Variants in ACLY observed in about 807,000 individuals in gnomAD.
ACLY encodes ATP citrate lyase.
Under a neutral mutation model 133.0 loss-of-function variants are expected in ACLY, and 41 were observed. The ratio of observed to expected loss-of-function variants is 0.31; its 90% CI spans 0.24 to 0.40. The LOEUF (loss-of-function observed/expected upper bound fraction) is 0.40. ACLY is among the 10% of genes least tolerant of loss of function. The pLI, the probability that ACLY is intolerant of heterozygous loss-of-function variation, is 1.00. For synonymous variants in ACLY, 495 were observed against 549.3 expected (o/e 0.90, Z 1.38); for missense variants, 1,046 against 1,453.8 (o/e 0.72, Z 4.56).
chr17:41,899,634 A>G (rs1036213005), intron 11 of ACLY, among the ~76,000 whole-genome samples: 1 of 152,094 alleles, frequency 6.6e-6, no homozygotes, highest in Non-Finnish European at 1.5e-5. Flanking sequence ...GACCCCTAGC[A>G]TCTTCTCCTA....
intron 16 of ACLY, among the ~76,000 whole-genome samples, chr17:41,889,743 T>G (rs1555628885): frequency 6.8e-6 from 1 of 146,562 alleles, no homozygotes; most frequent in Non-Finnish European, 1.5e-5. Context: ...TGGAGTACAA[T>G]AGCACGACCT....
rs1555633439 is a variant in ACLY at position 41,910,284 on chromosome 17, C to T, written c.283G>A (p.Val95Ile). 6.2e-7 allele frequency: 1 copy of T among 1,613,398 alleles called. No homozygotes were observed. The highest frequency in any genetic ancestry group is 8.5e-7 in the Non-Finnish European group (1 of 1,179,704). ...LKPRLGQEATVGKATGFLKNF... is the reference protein window; with the variant it reads ...LKPRLGQEATIGKATGFLKNF... The stretch of plus-strand genomic sequence containing the variant: ...TTGAGGAAGCCTGTGGCCTTGCCAA[C>T]CTACAGAAAAATTGAGGGAGATGAA... Residue 95 changes from valine (V) to isoleucine (I), a missense_variant and splice_region_variant, in exon 4 of 29, where the codon GTT becomes ATT. Around this residue, in one of 4 missense-constraint regions of ACLY, gnomAD observed 227 missense variants for 245.6 expected, o/e 0.92. Coordinates refer to ENST00000352035, the MANE Select transcript of ACLY (RefSeq NM_001096.3).
rs782115083 is a variant in ACLY at position 41,893,191 on chromosome 17, CAG to C, written c.1460-19_1460-18del. On this transcript the variant is annotated intron_variant, in intron 14 of 28. Transcript: ENST00000352035. The stretch of plus-strand genomic sequence containing the variant: ...TGCTCTTTCCTGGTGGGCAAAGACA[CAG>C]AGAGTGCACCCAGAACACATACCCC... 1.1e-5 allele frequency: 17 copies of C among 1,608,166 alleles called. No individual in the cohort carries two copies. Among genetic ancestry groups the C allele is most frequent in the African/African-American group, 1.3e-5 (1 of 74,830 alleles).
chr17:41,882,539 G>A (rs1468436673), intron 20 of ACLY, among the ~76,000 whole-genome samples: 6 of 152,126 alleles, frequency 3.9e-5, no homozygotes, highest in Admixed American at 2.6e-4. Flanking sequence ...AAGCACAGGG[G>A]CTGAAGTCTG....
intron 6 of ACLY, 93 bp downstream of exon 6, chr17:41,908,896 G>C: frequency 9.6e-7 from 1 of 1,037,282 alleles, no homozygotes; most frequent in Middle Eastern, 2.8e-4. Flanking sequence ...GTTACCCTCT[G>C]GCAAGTGGGA....
chr17:41,878,936 A>C lies in ACLY; in HGVS notation c.2266-12T>G. The stretch of plus-strand genomic sequence containing the variant: ...TGGCCAAACTGGACCTGGAAAGCAA[A>C]GGAAAGTAGCTTTACTGCTAATCCC... On this transcript the variant is annotated splice_polypyrimidine_tract_variant and intron_variant, in intron 20 of 28. Coordinates refer to ENST00000352035, the MANE Select transcript of ACLY (RefSeq NM_001096.3). 1 of 1,613,974 alleles carries C rather than the reference A, an allele frequency of 6.2e-7. No individual in the cohort carries two copies. The highest frequency in any genetic ancestry group is 1.7e-5 in the Admixed American group (1 of 60,014).
In ACLY at chr17:41,900,069, C is replaced by CAAAAAAAAAAAAAAAAAAAAAAAAAA. The variant is rs60296550; in HGVS notation, c.1184-1310_1184-1285dup. 1.5e-4 allele frequency among the ~76,000 whole-genome samples: 7 copies of CAAAAAAAAAAAAAAAAAAAAAAAAAA among 46,630 alleles called. 1 individual carries two copies. The highest frequency in any genetic ancestry group is 2.1e-4 in the Non-Finnish European group (5 of 23,822). 30.6% of individuals were successfully genotyped at this position (46,630 alleles called of 152,430 possible). ...GGGTGACAGAGTGAGACCCTGTCTCCAAAAAAAAAAAAAAAAAAAAAAAAA... is the reference window on the plus strand; with the variant it reads ...GGGTGACAGAGTGAGACCCTGTCTCCAAAAAAAAAAAAAAAAAAAAAAAAAAAAAAAAAAAAAAAAAAAAAAAAAAA... On this transcript the variant is annotated intron_variant, in intron 11 of 28. Coordinates refer to ENST00000352035, the MANE Select transcript of ACLY (RefSeq NM_001096.3).
intron 12 of ACLY, 48 bp from the exon 13 acceptor site, chr17:41,897,887 G>T: frequency 5.9e-6 from 9 of 1,537,466 alleles, no homozygotes; most frequent in Non-Finnish European, 1.8e-6. Context: ...TCACACCTGG[G>T]AAAAAAGCCA....
chr17:41,928,061 C>G (rs1555636166), intron 1 of ACLY, among the ~76,000 whole-genome samples: 1 of 151,996 alleles, frequency 6.6e-6, no homozygotes, highest in Non-Finnish European at 1.5e-5. Flanking sequence ...GTGGCCTGAG[C>G]CCAGAAAGCA....
At position 41,884,294 on chromosome 17, in the gene ACLY, T is replaced by A; in HGVS notation, c.2073-20A>T. On this transcript the variant is annotated intron_variant, in intron 18 of 28. Coordinates refer to ENST00000352035, the MANE Select transcript of ACLY (RefSeq NM_001096.3). ...GGGTACCTGTTGAGAGCAGGGAGTATCAGGATACAGGATCAGGAGGAGGCC... is the reference window on the plus strand; with the variant it reads ...GGGTACCTGTTGAGAGCAGGGAGTAACAGGATACAGGATCAGGAGGAGGCC... The A allele has an allele frequency of 6.5e-7, 1 of 1,547,722 alleles. No individual in the cohort carries two copies.
chr17:41,879,408 C>T (rs565819309), intron 20 of ACLY, among the ~76,000 whole-genome samples: 4 of 149,098 alleles, frequency 2.7e-5, no homozygotes, highest in South Asian at 2.1e-4. Context: ...GCCTGCCCCC[C>T]CCGCCTTTTT....
intron 16 of ACLY, among the ~76,000 whole-genome samples, chr17:41,888,927 T>A (rs2049126918): frequency 6.6e-6 from 1 of 152,120 alleles, no homozygotes; most frequent in African/African-American, 2.4e-5. Flanking sequence ...GAGACCAGCC[T>A]GACCAACATG....
chr17:41,912,882 C>T (rs1567913896), intron 2 of ACLY, among the ~76,000 whole-genome samples: 1 of 152,156 alleles, frequency 6.6e-6, no homozygotes, highest in Non-Finnish European at 1.5e-5. Flanking sequence ...AGAATATGGA[C>T]CAGAACATGT....
Position 41,869,114 on chromosome 17 carries a change from A to G in ACLY, c.3063T>C (p.Leu1021=), listed in dbSNP as rs1262462302. The change falls in exon 27 of 29, where the codon CTT becomes CTC. Residue 1021 remains leucine, a synonymous_variant. Coordinates refer to ENST00000352035, the MANE Select transcript of ACLY (RefSeq NM_001096.3). The part of the protein sequence containing the change: ...EKITTSKKPN[L]ILNVDGLIGV... ...CGATGAGACCATCTACATTCAGGAT[A>G]AGATTTGGCTTCTGGGAAGGCAAAA... 1.9e-6 allele frequency: 3 copies of G among 1,612,974 alleles called. No individual in the cohort carries two copies. The East Asian group carries it at 6.7e-5, about 36-fold the overall frequency.
intron 18 of ACLY, among the ~76,000 whole-genome samples, chr17:41,885,730 T>C (rs1597992255): frequency 6.6e-6 from 1 of 151,880 alleles, no homozygotes; most frequent in African/African-American, 2.4e-5. Context: ...TCTAGGGAGG[T>C]TAAGTAACCG....
chr17:41,913,613 C>T, intron 2 of ACLY, 102 bp downstream of exon 2: 1 of 1,310,128 alleles, frequency 7.6e-7, no homozygotes, highest in Non-Finnish European at 1.1e-6. Context: ...TGCTGGCAGC[C>T]TCCAACCCCA....
intron 1 of ACLY, among the ~76,000 whole-genome samples, chr17:41,914,972 G>T (rs1555634280): frequency 6.6e-6 from 1 of 152,148 alleles, no homozygotes; most frequent in Non-Finnish European, 1.5e-5. Flanking sequence ...TAAAATCTCA[G>T]AGGCGTTAGG....
intron 14 of ACLY, among the ~76,000 whole-genome samples, chr17:41,894,769 C>T (rs1049655397): frequency 2.6e-5 from 4 of 152,008 alleles, no homozygotes; most frequent in Admixed American, 6.6e-5. Flanking sequence ...AGTTGACTTT[C>T]CCCTCTGGGT....
At position 41,897,778 on chromosome 17, in the gene ACLY, G is replaced by A; in HGVS notation, c.1400C>T (p.Ala467Val). The A allele has an allele frequency of 1.2e-6, 2 of 1,611,854 alleles. No individual in the cohort carries two copies. The highest frequency in any genetic ancestry group is 1.7e-6 in the Non-Finnish European group (2 of 1,179,124). ...TGGCATGGCAGGCTTGGCCTTCTTT[G>A]CAGGCGCCACCTCATCGGCCCTGGA... The part of the protein sequence containing the change: ...SESRADEVAP[A>V]KKAKPAMPQD... The change falls in exon 13 of 29, where the codon GCA becomes GTA. Residue 467 changes from alanine to valine, a missense_variant. By Grantham distance (64) the Ala-to-Val change is moderately conservative. Around this residue, in one of 4 missense-constraint regions of ACLY, gnomAD observed 575 missense variants for 804.2 expected, o/e 0.71. Coordinates refer to ENST00000352035, the MANE Select transcript of ACLY (RefSeq NM_001096.3).
Sources: gnomAD v4.1 joint callset for allele counts (sites outside exome capture counted in the v4.1 genomes callset) on GRCh38, gnomAD v4.1.1 for gene constraint, gnomAD v4.1.1 regional missense constraint, MANE v1.5 for transcripts, NCBI Gene and HGNC (gene_info 2026-07-23, HGNC 2026-07-21) for gene names.